Variants in PEAK1 observed in about 807,000 individuals in gnomAD.
PEAK1 encodes inactive tyrosine-protein kinase PEAK1.
Under a neutral mutation model 124.7 loss-of-function variants are expected in PEAK1, and 54 were observed. That is an observed-to-expected ratio of 0.43 (90% CI 0.35 to 0.54). The LOEUF (loss-of-function observed/expected upper bound fraction) is 0.54, where lower values mean the gene tolerates loss of function less well. PEAK1 is among the 20% of genes least tolerant of loss of function. PEAK1 has a pLI of 0.01. For synonymous variants in PEAK1, 719 were observed against 760.0 expected, an observed-to-expected ratio of 0.95 and a Z score of 0.89; for missense variants, 2,046 against 2,134.5, an observed-to-expected ratio of 0.96 and a Z score of 0.82.
At chr15:77,130,641 A>C (rs992587424) in intron 9 of PEAK1, among the ~76,000 whole-genome samples, 4 of 152,198 alleles carry the variant, frequency 2.6e-5, no homozygotes, top group African/African-American at 7.2e-5. Flanking sequence ...AGTCATTTAG[A>C]TATGTTAATT....
chr15:77,418,432 A>G (rs987132242), intron 1 of PEAK1: 5 of 985,324 alleles, frequency 5.1e-6, no homozygotes, highest in Non-Finnish European at 6.0e-6. Flanking sequence ...CAGCAATGAA[A>G]AGGGGATGTT....
intron 5 of PEAK1, among the ~76,000 whole-genome samples, chr15:77,266,868 G>A (rs1001891075): frequency 6.6e-6 from 1 of 152,116 alleles, no homozygotes; most frequent in African/African-American, 2.4e-5. Context: ...TGTAGGCTCT[G>A]TGGGACAGCC....
At chr15:77,418,654 G>C in intron 1 of PEAK1, 2 of 985,414 alleles carry the variant, frequency 2.0e-6, no homozygotes, top group Non-Finnish European at 2.4e-6. Context: ...TCAGTGAATT[G>C]AGCTATCTAG....
rs563586071 is a variant in PEAK1 at position 77,297,582 on chromosome 15, A to G, written c.-602-11078T>C. Among the ~76,000 whole-genome samples, 10 of 151,764 alleles carry G rather than the reference A, an allele frequency of 6.6e-5. No homozygotes were observed. The South Asian group carries it at 2.1e-3, about 31-fold the overall frequency. On this transcript the variant is annotated intron_variant, in intron 2 of 9. Coordinates refer to ENST00000682557, the MANE Select transcript of PEAK1 (RefSeq NM_001385026.1). ...TCTGTAAGCATGTGAAATCTGGTGA[A>G]ACCTCATTTCTACTAAAAATACAAA...
intron 2 of PEAK1, chr15:77,355,717 G>C (rs1055827542): frequency 2.1e-6 from 2 of 966,310 alleles, no homozygotes; most frequent in Admixed American, 6.2e-5. Flanking sequence ...CATCCATTTT[G>C]GGGGGTCCAG....
In PEAK1 at chr15:77,404,231, T is replaced by C. The variant is rs958270841; in HGVS notation, c.-666+15775A>G. The C allele has an allele frequency of 1.2e-5, 12 of 985,392 alleles. No individual in the cohort carries two copies. In the Admixed American group the frequency reaches 3.1e-4, roughly 25 times the overall value. The allele number at this position is 985,392 out of a possible 1,614,324, so 61.0% of individuals were successfully genotyped here. On this transcript the variant is annotated intron_variant, in intron 1 of 9. Coordinates refer to ENST00000682557, the MANE Select transcript of PEAK1 (RefSeq NM_001385026.1). ...CAAAGTGAGTGTTCAGGATCCATGGTGTAACTTGGCTTTGCTGTTTTCTTC... is the reference window on the plus strand; with the variant it reads ...CAAAGTGAGTGTTCAGGATCCATGGCGTAACTTGGCTTTGCTGTTTTCTTC...
At chr15:77,213,679 ACT>A (rs1357501507) in intron 6 of PEAK1, among the ~76,000 whole-genome samples, 1 of 152,054 alleles carries the variant, frequency 6.6e-6, no homozygotes, top group Non-Finnish European at 1.5e-5. Flanking sequence ...ACAGAGTGAG[ACT>A]CTGTCTCAAA....
chr15:77,171,182 G>T (rs941551911), intron 7 of PEAK1, among the ~76,000 whole-genome samples: 3 of 152,058 alleles, frequency 2.0e-5, no homozygotes, highest in African/African-American at 7.2e-5. Context: ...ATTTCAACAT[G>T]TCATTTACAG....
At chr15:77,188,051 A>G (rs1312911195) in intron 6 of PEAK1, among the ~76,000 whole-genome samples, 1 of 152,214 alleles carries the variant, frequency 6.6e-6, no homozygotes, top group Admixed American at 6.5e-5. Context: ...GCAAAGCTGC[A>G]GGAAGAAGTT....
chr15:77,166,581 C>T (rs1037176771), intron 7 of PEAK1, among the ~76,000 whole-genome samples: 2 of 152,204 alleles, frequency 1.3e-5, no homozygotes, highest in East Asian at 3.9e-4. Context: ...GGAATCCCAT[C>T]CCCCTTTAAG....
At chr15:77,128,730 G>GT (rs1418529843) in intron 9 of PEAK1, among the ~76,000 whole-genome samples, 1 of 152,162 alleles carries the variant, frequency 6.6e-6, no homozygotes, top group Non-Finnish European at 1.5e-5. Flanking sequence ...GTTGTATTTT[G>GT]TAAGCATGTA....
intron 5 of PEAK1, among the ~76,000 whole-genome samples, chr15:77,270,860 G>A (rs79287767): frequency 6.6e-6 from 1 of 151,936 alleles, no homozygotes; most frequent in Non-Finnish European, 1.5e-5. Context: ...TGAGCAGGAT[G>A]TAGGCATGGG....
At chr15:77,182,976 T>C (rs1296704819) in intron 6 of PEAK1, among the ~76,000 whole-genome samples, 1 of 151,922 alleles carries the variant, frequency 6.6e-6, no homozygotes, top group Non-Finnish European at 1.5e-5. Context: ...GTGTAAAATC[T>C]AGAATCTATA....
chr15:77,268,412 C>T (rs556722760), intron 5 of PEAK1, among the ~76,000 whole-genome samples: 7 of 151,100 alleles, frequency 4.6e-5, no homozygotes, highest in South Asian at 2.1e-4. Context: ...AGGCAGAGGA[C>T]GCAGTGAGCT....
chr15:77,243,145 G>A (rs2060431886), intron 6 of PEAK1, among the ~76,000 whole-genome samples: 1 of 152,172 alleles, frequency 6.6e-6, no homozygotes, highest in African/African-American at 2.4e-5. Flanking sequence ...TTATTTCTGT[G>A]CTTCCAGTAT....
In PEAK1 at chr15:77,165,223, A is replaced by T. The variant is rs564853826; in HGVS notation, c.3138-6527T>A. Among the ~76,000 whole-genome samples, 19 of 137,832 alleles carry T rather than the reference A, an allele frequency of 1.4e-4. No individual in the cohort carries two copies. In the Admixed American group the frequency reaches 1.4e-3, roughly 10 times the overall value. The allele number at this position is 137,832 out of a possible 152,430, so 90.4% of individuals were successfully genotyped here. On this transcript the variant is annotated intron_variant, in intron 7 of 9. Transcript: ENST00000682557. ...GCCTTTTTTTTTTTTTTTTTGAGAC[A>T]GTGCTCTGTGGCCCAGGCCGGAGTG...
At chr15:77,329,202 G>A (rs1159775339) in intron 2 of PEAK1, among the ~76,000 whole-genome samples, 1 of 152,100 alleles carries the variant, frequency 6.6e-6, no homozygotes, top group Non-Finnish European at 1.5e-5. Flanking sequence ...GAACCAAAAT[G>A]CAGAGCAAAA....
Position 77,179,219 on chromosome 15 carries a change from G to T in PEAK1, c.2708C>A (p.Thr903Lys). Residue 903 changes from threonine to lysine, a missense_variant, in exon 7 of 10, where the codon ACA becomes AAA. Physicochemically the swap from Thr to Lys is moderately conservative, Grantham distance 78. Transcript: ENST00000682557. ...WTKPTSPTRS[T>K]EAESVLHSEG... Reference sequence around the variant, plus strand: ...AGAGTGCAAAACTGATTCAGCTTCTGTTGACCTGGTAGGGCTGGTTGGCTT... The same window carrying T: ...AGAGTGCAAAACTGATTCAGCTTCTTTTGACCTGGTAGGGCTGGTTGGCTT... 1 of 1,614,164 alleles carries T rather than the reference G, an allele frequency of 6.2e-7. No individual in the cohort carries two copies. Among genetic ancestry groups the T allele is most frequent in the Non-Finnish European group, 8.5e-7 (1 of 1,180,032 alleles).
chr15:77,279,110 T>C (rs147947757), intron 5 of PEAK1, among the ~76,000 whole-genome samples: 29,645 of 140,722 alleles, frequency 0.21, 3,506 homozygotes, highest in Middle Eastern at 0.28. Context: ...TGTGCGTGTG[T>C]GTGTGTGTGT....
Sources: allele counts gnomAD v4.1 joint callset (sites outside exome capture counted in the v4.1 genomes callset), GRCh38; gene constraint gnomAD v4.1.1; transcripts MANE v1.5; gene names NCBI Gene and HGNC (gene_info 2026-07-23, HGNC 2026-07-21).